THADA: variants seen among roughly 807,000 people sequenced by gnomAD.
THADA encodes the protein THADA armadillo repeat containing, also known as tRNA (32-2'-O)-methyltransferase regulator THADA.
A neutral mutation model predicts 219.8 loss-of-function variants in THADA; 213 were observed. That is an observed-to-expected ratio of 0.97 (90% CI 0.87 to 1.09). The LOEUF is 1.09. Among genes scored for constraint, THADA ranks in the 50% least tolerant of loss-of-function variants. The pLI is 0.00. For missense variants in THADA, 2,956 were observed against 2,311.3 expected, an observed-to-expected ratio of 1.28 and a Z score of -5.72; for synonymous variants, 1,018 against 828.9, an observed-to-expected ratio of 1.23 and a Z score of -3.92.
rs753743636 is a variant in THADA at position 43,551,929 on chromosome 2, C to G, written c.2811-4G>C. The G allele has an allele frequency of 1.3e-6, 2 of 1,599,690 alleles. No individual in the cohort carries two copies. The highest frequency in any genetic ancestry group is 4.5e-5 in the East Asian group (2 of 44,834). On this transcript the variant is annotated splice_polypyrimidine_tract_variant and splice_region_variant and intron_variant, in intron 18 of 37. Transcript: ENST00000405975. The stretch of plus-strand genomic sequence containing the variant: ...CTCGCTCACCAACTGCAGGCTGCTG[C>G]AACAAGGACATTAGGGAAATTTATA...
chr2:43,236,771 G>T (rs1384752846), intron 36 of THADA, among the ~76,000 whole-genome samples: 1 of 152,020 alleles, frequency 6.6e-6, no homozygotes, highest in Non-Finnish European at 1.5e-5. Flanking sequence ...TAGGAATAAA[G>T]ACAGCGTGGG....
intron 26 of THADA, among the ~76,000 whole-genome samples, chr2:43,454,046 T>C (rs956270756): frequency 6.6e-6 from 1 of 152,196 alleles, no homozygotes; most frequent in Non-Finnish European, 1.5e-5. Context: ...GCTTGGCTAA[T>C]TATTATAGAG....
intron 26 of THADA, among the ~76,000 whole-genome samples, chr2:43,434,516 G>A (rs1353740872): frequency 1.3e-5 from 2 of 152,158 alleles, no homozygotes; most frequent in South Asian, 2.1e-4. Flanking sequence ...GCACACAAGC[G>A]GCTGGATGAC....
intron 26 of THADA, among the ~76,000 whole-genome samples, chr2:43,465,873 G>C (rs1233987376): frequency 1.3e-5 from 2 of 152,120 alleles, no homozygotes; most frequent in Non-Finnish European, 2.9e-5. Flanking sequence ...ACTGAACTTG[G>C]TATCTTCCCC....
At chr2:43,511,413 G>T (rs759096933) in intron 22 of THADA, among the ~76,000 whole-genome samples, 1 of 152,206 alleles carries the variant, frequency 6.6e-6, no homozygotes, top group African/African-American at 2.4e-5. Context: ...GGTCTGGAAT[G>T]AGAGTAGAAC....
Position 43,570,419 on chromosome 2 carries a change from T to A in THADA, c.2156A>T (p.Gln719Leu). 2 of 1,613,578 alleles carry A rather than the reference T, an allele frequency of 1.2e-6. No individual in the cohort carries two copies. The highest frequency in any genetic ancestry group is 1.7e-6 in the Non-Finnish European group (2 of 1,179,726). Residue 719 changes from glutamine (Q) to leucine (L), a missense_variant, in exon 14 of 38, where the codon CAG (glutamine) becomes CTG (leucine). Physicochemically the swap from Gln to Leu is moderately radical, Grantham distance 113. Coordinates refer to ENST00000405975, the MANE Select transcript of THADA (RefSeq NM_022065.5). ...KREPENELTK[Q>L]HPSVSLQQYK... ...CTGCTGTAAAGAAACAGAAGGGTGC[T>A]GTTTGGTTAACTCATTCTCTGGTTC...
chr2:43,295,231 T>C (rs759497800), intron 31 of THADA, among the ~76,000 whole-genome samples: 1 of 152,256 alleles, frequency 6.6e-6, no homozygotes, highest in Non-Finnish European at 1.5e-5. Context: ...TACAAAGTAG[T>C]TGGCAAACTT....
At chr2:43,579,052 G>A (rs1008680777) in intron 8 of THADA, among the ~76,000 whole-genome samples, 1 of 152,072 alleles carries the variant, frequency 6.6e-6, no homozygotes, top group East Asian at 1.9e-4. Context: ...TGATGGTCTC[G>A]ATCTCTTGAC....
Position 43,232,725 on chromosome 2 carries a change from C to T in THADA, c.5454G>A (p.Glu1818=). 6.2e-7 allele frequency: 1 copy of T among 1,613,958 alleles called. No homozygotes were observed. Among genetic ancestry groups the T allele is most frequent in the Non-Finnish European group, 8.5e-7 (1 of 1,179,874 alleles). ...ACCCCGGGATCACCTGATGCATGCT[C>T]TCCACACAGGCCACGAGGTCATCAC... ...GESDDLVACV[E]SMHQVEEDYL... The change falls in exon 37 of 38, where the codon GAG becomes GAA. Residue 1818 remains glutamate, a synonymous_variant. Coordinates refer to ENST00000405975, the MANE Select transcript of THADA (RefSeq NM_022065.5).
At chr2:43,438,117 C>G (rs898848953) in intron 26 of THADA, among the ~76,000 whole-genome samples, 4 of 151,840 alleles carry the variant, frequency 2.6e-5, no homozygotes, top group Non-Finnish European at 1.5e-5. Context: ...CTGGCTAACA[C>G]AGTGAAACCC....
At position 43,551,876 on chromosome 2, in the gene THADA, A is replaced by C. The variant is rs1574221078; in HGVS notation, c.2860T>G (p.Leu954Val). 4 of 1,613,886 alleles carry C rather than the reference A, an allele frequency of 2.5e-6. No homozygotes were observed. The highest frequency in any genetic ancestry group is 1.7e-4 in the Middle Eastern group (1 of 6,058). The part of the protein sequence containing the change: ...EWRPVVEKLL[L>V]MSYRLSTVVS... ...ACAGTGGAAAGCCTGTAGGACATCA[A>C]AAGGAGCTTCTCTACCACAGGTCTC... The change falls in exon 19 of 38, where the codon TTG (leucine) becomes GTG (valine). Residue 954 changes from leucine to valine, a missense_variant. By Grantham distance (32) the Leu-to-Val change is conservative. Transcript: ENST00000405975.
At chr2:43,578,761 C>T (rs1347599747) in intron 8 of THADA, among the ~76,000 whole-genome samples, 154 bp from the exon 9 acceptor site, 3 of 152,144 alleles carry the variant, frequency 2.0e-5, no homozygotes, top group African/African-American at 7.2e-5. Flanking sequence ...ATTTAACATC[C>T]CACAGACTCT....
chr2:43,265,997 T>C (rs533759442), intron 36 of THADA, among the ~76,000 whole-genome samples: 3 of 142,172 alleles, frequency 2.1e-5, no homozygotes, highest in South Asian at 4.5e-4. Flanking sequence ...ACACAGACTC[T>C]TGAGGGTCTG....
At chr2:43,568,235 A>G (rs1698908050) in intron 14 of THADA, among the ~76,000 whole-genome samples, 1 of 152,224 alleles carries the variant, frequency 6.6e-6, no homozygotes, top group African/African-American at 2.4e-5. Context: ...CTAATATTTT[A>G]TAAATTTAAA....
chr2:43,500,742 T>C (rs531374491), intron 24 of THADA, among the ~76,000 whole-genome samples: 1 of 152,260 alleles, frequency 6.6e-6, no homozygotes, highest in South Asian at 2.1e-4. Context: ...ATAAAAACTG[T>C]TTTGAAAAAA....
chr2:43,242,413 G>A (rs187247067), intron 36 of THADA, among the ~76,000 whole-genome samples: 37 of 152,290 alleles, frequency 2.4e-4, no homozygotes, highest in African/African-American at 8.4e-4. Context: ...AGATCATACA[G>A]GATACAGGTT....
At chr2:43,542,496 C>A (rs1695456016) in intron 20 of THADA, among the ~76,000 whole-genome samples, 1 of 152,104 alleles carries the variant, frequency 6.6e-6, no homozygotes, top group Non-Finnish European at 1.5e-5. Context: ...ATATGTAATA[C>A]ATCACTAAGA....
chr2:43,586,639 C>T, intron 6 of THADA, 63 bp downstream of exon 6: 1 of 1,534,460 alleles, frequency 6.5e-7, no homozygotes, highest in Non-Finnish European at 8.8e-7. Context: ...TTAAAAGAGC[C>T]AGTTCCAAAA....
At chr2:43,258,694 CA>C (rs1395187942) in intron 36 of THADA, among the ~76,000 whole-genome samples, 1 of 152,070 alleles carries the variant, frequency 6.6e-6, no homozygotes, top group African/African-American at 2.4e-5. Flanking sequence ...CACTGAGGGC[CA>C]GGGGGAAATC....
Sources: gnomAD v4.1 joint callset for allele counts (sites outside exome capture counted in the v4.1 genomes callset) on GRCh38, gnomAD v4.1.1 for gene constraint, MANE v1.5 for transcripts, NCBI Gene and HGNC (gene_info 2026-07-23, HGNC 2026-07-21) for gene names.